Variants in CNTNAP2 observed in about 807,000 individuals in gnomAD.
CNTNAP2 encodes contactin-associated protein-like 2.
CNTNAP2 carries 98 observed loss-of-function variants against 155.2 expected under a neutral mutation model. That is an observed-to-expected ratio of 0.63 (90% CI 0.54 to 0.75). CNTNAP2 has a LOEUF of 0.75. CNTNAP2 is among the 30% of genes least tolerant of loss of function. CNTNAP2 has a pLI of 0.00. For missense variants in CNTNAP2, 1,727 were observed against 1,688.1 expected (o/e 1.02, Z -0.40); for synonymous variants, 651 against 631.2 (o/e 1.03, Z -0.47).
Position 148,137,735 on chromosome 7 carries a change from A to T in CNTNAP2, c.2555-9756A>T, listed in dbSNP as rs574606658. Among the ~76,000 whole-genome samples the T allele has an allele frequency of 1.5e-3, 218 of 145,512 alleles. 1 individual carries two copies. Among genetic ancestry groups the T allele is most frequent in the African/African-American group, 5.3e-3 (206 of 39,152 alleles). On this transcript the variant is annotated intron_variant, in intron 16 of 23. Coordinates refer to ENST00000361727, the MANE Select transcript of CNTNAP2 (RefSeq NM_014141.6). ...AAGGAAGGAAGGAAGGAAGGAAGGAAGGTTCTCCTTTCCTCTCTAATGTCT... is the reference window on the plus strand; with the variant it reads ...AAGGAAGGAAGGAAGGAAGGAAGGATGGTTCTCCTTTCCTCTCTAATGTCT...
In CNTNAP2 at chr7:146,343,618, T is replaced by A. The variant is rs538237946; in HGVS notation, c.97+226645T>A. Among the ~76,000 whole-genome samples the A allele has an allele frequency of 9.2e-5, 14 of 152,298 alleles. No homozygotes were observed. The South Asian group carries it at 1.0e-3, about 11-fold the overall frequency. ...TGAAACATTTAAAATGAGGATTTTT[T>A]AAAAATATGCTATTAAAAATATGAA... On this transcript the variant is annotated intron_variant, in intron 1 of 23. Coordinates refer to ENST00000361727, the MANE Select transcript of CNTNAP2 (RefSeq NM_014141.6).
At chr7:146,746,543 C>A (rs925736406) in intron 1 of CNTNAP2, among the ~76,000 whole-genome samples, 6 of 151,974 alleles carry the variant, frequency 3.9e-5, no homozygotes, top group Non-Finnish European at 8.8e-5. Flanking sequence ...ATAATAGATC[C>A]ATCAAAAATT....
chr7:147,748,067 T>C (rs1192293797), intron 13 of CNTNAP2, among the ~76,000 whole-genome samples: 1 of 151,896 alleles, frequency 6.6e-6, no homozygotes, highest in Non-Finnish European at 1.5e-5. Flanking sequence ...TCAGATCTAA[T>C]GATTTGCAAG....
At chr7:148,273,239 G>A (rs1796814375) in intron 21 of CNTNAP2, among the ~76,000 whole-genome samples, 1 of 152,182 alleles carries the variant, frequency 6.6e-6, no homozygotes, top group Non-Finnish European at 1.5e-5. Context: ...TTTAAGATTT[G>A]TGGTGGGAGT....
intron 1 of CNTNAP2, among the ~76,000 whole-genome samples, chr7:146,389,986 C>T (rs180733503): frequency 1.2e-3 from 186 of 152,178 alleles, no homozygotes; most frequent in South Asian, 9.3e-3. Context: ...CAGATGTGAG[C>T]CATAGAGCCC....
At chr7:146,451,774 G>C (rs1449020682) in intron 1 of CNTNAP2, among the ~76,000 whole-genome samples, 1 of 140,128 alleles carries the variant, frequency 7.1e-6, no homozygotes, top group Non-Finnish European at 1.5e-5. Context: ...CCTAACCCTA[G>C]CTATAGAAGG....
At chr7:147,858,874 C>G (rs972879790) in intron 13 of CNTNAP2, among the ~76,000 whole-genome samples, 13 of 152,162 alleles carry the variant, frequency 8.5e-5, no homozygotes, top group African/African-American at 3.1e-4. Context: ...GCATTTTGGA[C>G]TTTTAGTCTC....
chr7:148,005,360 T>C (rs2116898154), intron 15 of CNTNAP2, among the ~76,000 whole-genome samples: 1 of 152,176 alleles, frequency 6.6e-6, no homozygotes, highest in Non-Finnish European at 1.5e-5. Context: ...ACATTGGTGA[T>C]TAGGGTTTTA....
intron 21 of CNTNAP2, among the ~76,000 whole-genome samples, chr7:148,337,877 G>C (rs886967): frequency 0.34 from 50,941 of 152,008 alleles, 8,598 homozygotes; most frequent in East Asian, 0.52. Flanking sequence ...CAATGGGTCA[G>C]GGGGACTTTT....
intron 1 of CNTNAP2, among the ~76,000 whole-genome samples, chr7:146,584,340 T>C (rs1798655470): frequency 6.6e-6 from 1 of 152,154 alleles, no homozygotes; most frequent in East Asian, 1.9e-4. Context: ...CAGTCAATGC[T>C]AATAGAGTGC....
intron 11 of CNTNAP2, among the ~76,000 whole-genome samples, chr7:147,521,066 C>T (rs1422669840): frequency 6.6e-6 from 1 of 152,230 alleles, no homozygotes; most frequent in Non-Finnish European, 1.5e-5. Flanking sequence ...GCCACACCTT[C>T]CAGATTAAGT....
At chr7:146,663,277 C>CAAAAAAAAAAAAAAAAAAA (rs543257224) in intron 1 of CNTNAP2, among the ~76,000 whole-genome samples, 12 of 33,126 alleles carry the variant, frequency 3.6e-4, no homozygotes, top group African/African-American at 4.6e-4. Flanking sequence ...AACTCCATCT[C>CAAAAAAAAAAAAAAAAAAA]AAAAAAAAAA....
chr7:147,586,235 G>A (rs1166341879), intron 12 of CNTNAP2, among the ~76,000 whole-genome samples: 3 of 152,070 alleles, frequency 2.0e-5, no homozygotes, highest in African/African-American at 4.8e-5. Context: ...CCAGGTAACA[G>A]GCTTCAGAGA....
chr7:148,265,140 C>T (rs1036079989), intron 20 of CNTNAP2, among the ~76,000 whole-genome samples: 2 of 152,166 alleles, frequency 1.3e-5, no homozygotes, highest in Non-Finnish European at 2.9e-5. Context: ...GTGGCAGTTA[C>T]CCATGGGTGT....
At chr7:146,196,090 G>A (rs938505568) in intron 1 of CNTNAP2, among the ~76,000 whole-genome samples, 3 of 152,098 alleles carry the variant, frequency 2.0e-5, no homozygotes, top group African/African-American at 4.8e-5. Flanking sequence ...TTAGAATGCT[G>A]TAATAACAAG....
chr7:146,757,098 A>G (rs1802007672), intron 1 of CNTNAP2, among the ~76,000 whole-genome samples: 1 of 152,068 alleles, frequency 6.6e-6, no homozygotes, highest in Non-Finnish European at 1.5e-5. Context: ...TTGAATATCA[A>G]TTTTTCATGA....
chr7:146,350,815 G>A (rs1438327958), intron 1 of CNTNAP2, among the ~76,000 whole-genome samples: 2 of 152,034 alleles, frequency 1.3e-5, no homozygotes, highest in African/African-American at 4.8e-5. Flanking sequence ...TTAAGAAAAT[G>A]TGACACATAT....
chr7:147,141,072 C>A (rs1801582842), intron 8 of CNTNAP2, among the ~76,000 whole-genome samples: 2 of 152,136 alleles, frequency 1.3e-5, no homozygotes, highest in South Asian at 4.1e-4. Context: ...CTTGCTATGG[C>A]TCCAATAACC....
At chr7:146,139,844 G>C (rs1332976509) in intron 1 of CNTNAP2, among the ~76,000 whole-genome samples, 1 of 152,144 alleles carries the variant, frequency 6.6e-6, no homozygotes, top group Admixed American at 6.6e-5. Context: ...ATACATGCTT[G>C]AGTTCATAGA....
Sources: allele counts gnomAD v4.1 joint callset (sites outside exome capture counted in the v4.1 genomes callset), GRCh38; gene constraint gnomAD v4.1.1; transcripts MANE v1.5; gene names NCBI Gene and HGNC (gene_info 2026-07-23, HGNC 2026-07-21).